ARHGEF38: variants seen among roughly 807,000 people sequenced by gnomAD.
ARHGEF38 encodes the protein Rho guanine nucleotide exchange factor (GEF) 38.
A neutral mutation model predicts 79.9 loss-of-function variants in ARHGEF38; 79 were observed. That is an observed-to-expected ratio of 0.99 (90% CI 0.82 to 1.19). ARHGEF38 has a LOEUF of 1.19. Among genes scored for constraint, ARHGEF38 ranks in the 50% most tolerant of loss-of-function variants. The pLI, the probability that ARHGEF38 is intolerant of heterozygous loss-of-function variation, is 0.00. For synonymous variants in ARHGEF38, 366 were observed against 328.3 expected (o/e 1.11, Z -1.24); for missense variants, 962 against 907.2 (o/e 1.06, Z -0.78).
chr4:105,578,348 G>T (rs890102367), intron 1 of ARHGEF38, among the ~76,000 whole-genome samples: 2 of 152,114 alleles, frequency 1.3e-5, no homozygotes, highest in Non-Finnish European at 2.9e-5. Context: ...CTATTGTATG[G>T]TCTGTCTTGG....
At chr4:105,580,587 G>C (rs72669953) in intron 1 of ARHGEF38, among the ~76,000 whole-genome samples, 19,056 of 152,108 alleles carry the variant, frequency 0.13, 1,292 homozygotes, top group Non-Finnish European at 0.16. Context: ...AGAGTGGTTG[G>C]CAAAATTTCA....
chr4:105,655,975 G>A (rs757612692), intron 9 of ARHGEF38, among the ~76,000 whole-genome samples: 5 of 152,154 alleles, frequency 3.3e-5, no homozygotes, highest in Non-Finnish European at 7.4e-5. Context: ...TGTCAGTGCA[G>A]CTTTTAAAAT....
At chr4:105,609,349 G>A (rs1283633640) in intron 2 of ARHGEF38, among the ~76,000 whole-genome samples, 2 of 151,996 alleles carry the variant, frequency 1.3e-5, no homozygotes, top group South Asian at 2.1e-4. Context: ...TTGCATTGGT[G>A]TATGTATCTG....
At chr4:105,604,192 C>T (rs975941501) in intron 2 of ARHGEF38, among the ~76,000 whole-genome samples, 2 of 152,078 alleles carry the variant, frequency 1.3e-5, no homozygotes, top group Admixed American at 6.5e-5. Context: ...GGAAGGGAAA[C>T]CATTGGAAAT....
At chr4:105,605,274 CT>C (rs1050489292) in intron 2 of ARHGEF38, among the ~76,000 whole-genome samples, 6 of 151,910 alleles carry the variant, frequency 3.9e-5, no homozygotes, top group African/African-American at 1.5e-4. Flanking sequence ...TTCTGTTGGA[CT>C]TTTTTTTAAT....
intron 2 of ARHGEF38, among the ~76,000 whole-genome samples, chr4:105,612,916 G>GA (rs1007775974): frequency 2.0e-4 from 30 of 150,224 alleles, no homozygotes; most frequent in African/African-American, 4.1e-4. Context: ...TTTATATCAA[G>GA]AAAAAAAAAG....
chr4:105,590,390 A>T (rs1727282008), intron 2 of ARHGEF38, among the ~76,000 whole-genome samples: 1 of 152,230 alleles, frequency 6.6e-6, no homozygotes, highest in Non-Finnish European at 1.5e-5. Context: ...GAAAATGATC[A>T]GAAATTCCAC....
intron 3 of ARHGEF38, among the ~76,000 whole-genome samples, chr4:105,625,062 A>AT (rs1728887042): frequency 6.6e-6 from 1 of 152,204 alleles, no homozygotes; most frequent in Non-Finnish European, 1.5e-5. Flanking sequence ...CTTTTGGGAT[A>AT]TATCTCAGGC....
At chr4:105,575,088 T>C (rs1726432134) in intron 1 of ARHGEF38, among the ~76,000 whole-genome samples, 1 of 152,114 alleles carries the variant, frequency 6.6e-6, no homozygotes, top group Non-Finnish European at 1.5e-5. Flanking sequence ...GTTGGCTTCA[T>C]ATCTTTGCAA....
At chr4:105,603,342 C>T (rs1727904409) in intron 2 of ARHGEF38, among the ~76,000 whole-genome samples, 1 of 152,108 alleles carries the variant, frequency 6.6e-6, no homozygotes, top group Admixed American at 6.6e-5. Context: ...GTGGCTCCTC[C>T]TTGACACCTG....
chr4:105,648,561 A>G lies in ARHGEF38; in HGVS notation c.887A>G (p.Lys296Arg). The G allele has an allele frequency of 4.0e-6, 6 of 1,514,910 alleles. No homozygotes were observed. Among genetic ancestry groups the G allele is most frequent in the Non-Finnish European group, 5.3e-6 (6 of 1,138,406 alleles). The allele number at this position is 1,514,910 out of a possible 1,614,324, so 93.8% of individuals were successfully genotyped here. The change falls in exon 7 of 14, where the codon AAG (lysine) becomes AGG (arginine). Residue 296 changes from lysine (K) to arginine (R), a missense_variant. Transcript: ENST00000420470. Reference sequence around the variant, plus strand: ...TCTTCCTTTTCAGTTCTAAAATACAAGAAGAATGACGAGGATGAATCACTT... The same window carrying G: ...TCTTCCTTTTCAGTTCTAAAATACAGGAAGAATGACGAGGATGAATCACTT... ...KRRKDLVLKY[K>R]KNDEDESLKD...
chr4:105,656,864 C>G (rs1051968190), intron 9 of ARHGEF38, among the ~76,000 whole-genome samples: 3 of 152,042 alleles, frequency 2.0e-5, no homozygotes, highest in Non-Finnish European at 4.4e-5. Flanking sequence ...AGCCCCCGAT[C>G]TAGTAGAAAA....
intron 2 of ARHGEF38, among the ~76,000 whole-genome samples, chr4:105,590,549 T>C (rs756322306): frequency 3.3e-5 from 5 of 152,234 alleles, no homozygotes; most frequent in Non-Finnish European, 7.3e-5. Context: ...GTTTCATCCA[T>C]AAATCTGTTA....
intron 4 of ARHGEF38, chr4:105,631,579 T>C: frequency 3.0e-6 from 3 of 985,354 alleles, no homozygotes; most frequent in Non-Finnish European, 3.6e-6. Context: ...GTGGGGGAGC[T>C]ACACAATGTA....
At chr4:105,623,694 C>G (rs1728830921) in intron 3 of ARHGEF38, among the ~76,000 whole-genome samples, 1 of 152,138 alleles carries the variant, frequency 6.6e-6, no homozygotes, top group Non-Finnish European at 1.5e-5. Context: ...TAGAACTGGA[C>G]TAATATTTCA....
chr4:105,654,149 C>T lies in ARHGEF38; in HGVS notation c.1093C>T (p.Leu365Phe). The change falls in exon 8 of 14, where the codon CTC becomes TTC. Residue 365 changes from leucine (L) to phenylalanine (F), a missense_variant. By Grantham distance (22) the Leu-to-Phe change is conservative. Transcript: ENST00000420470. ...TVRLCVKNIS[L>F]CLQHIQDAMP... ...GAGGCTTTGTGTGAAGAACATTTCA[C>T]TCTGTCTTCAACACATACAGGTAGG... 1 of 1,510,034 alleles carries T rather than the reference C, an allele frequency of 6.6e-7. No individual in the cohort carries two copies. The allele number at this position is 1,510,034 out of a possible 1,614,324, so 93.5% of individuals were successfully genotyped here. A position where few individuals can be genotyped will look rare whatever the true frequency, so the allele number is the denominator to read the frequency against.
At chr4:105,639,314 G>C (rs902126372) in intron 5 of ARHGEF38, among the ~76,000 whole-genome samples, 1 of 151,732 alleles carries the variant, frequency 6.6e-6, no homozygotes, top group Non-Finnish European at 1.5e-5. Flanking sequence ...AATTTTTCCA[G>C]TTTATCATCT....
intron 1 of ARHGEF38, among the ~76,000 whole-genome samples, chr4:105,564,084 A>T (rs1396798320): frequency 6.6e-6 from 1 of 152,174 alleles, no homozygotes; most frequent in Non-Finnish European, 1.5e-5. Flanking sequence ...CCTTTGCTTA[A>T]CACTCCTCAT....
intron 3 of ARHGEF38, among the ~76,000 whole-genome samples, chr4:105,629,759 G>C (rs1400469627): frequency 6.6e-6 from 1 of 151,982 alleles, no homozygotes; most frequent in Non-Finnish European, 1.5e-5. Context: ...ACCAGTTATA[G>C]ACCCTATTTC....
Sources: allele counts gnomAD v4.1 joint callset (sites outside exome capture counted in the v4.1 genomes callset), GRCh38; gene constraint gnomAD v4.1.1; transcripts MANE v1.5; gene names NCBI Gene and HGNC (gene_info 2026-07-23, HGNC 2026-07-21).